The following PREX1 variants were observed in gnomAD, a reference collection of about 807,000 sequenced individuals.
PREX1 encodes the protein phosphatidylinositol 3,4,5-trisphosphate-dependent Rac exchanger 1 protein.
PREX1 carries 41 observed loss-of-function variants against 198.3 expected under a neutral mutation model. The observed-to-expected ratio is 0.21, with a 90% CI of 0.16 to 0.27. The LOEUF (loss-of-function observed/expected upper bound fraction) is 0.27, where lower values mean the gene tolerates loss of function less well. Among genes scored for constraint, PREX1 ranks in the 10% least tolerant of loss-of-function variants. The pLI, the probability that PREX1 is intolerant of heterozygous loss-of-function variation, is 1.00. For synonymous variants in PREX1, 843 were observed against 887.2 expected, an observed-to-expected ratio of 0.95 and a Z score of 0.89; for missense variants, 1,620 against 2,200.7, an observed-to-expected ratio of 0.74 and a Z score of 5.28.
At chr20:48,812,798 C>A (rs766027135) in intron 1 of PREX1, among the ~76,000 whole-genome samples, 29 of 152,188 alleles carry the variant, frequency 1.9e-4, no homozygotes, top group Non-Finnish European at 3.2e-4. Context: ...ATCCAGCCCC[C>A]ACATTTCATT....
intron 14 of PREX1, among the ~76,000 whole-genome samples, chr20:48,671,666 G>A (rs1012557329): frequency 6.6e-6 from 1 of 152,128 alleles, no homozygotes; most frequent in African/African-American, 2.4e-5. Context: ...TGCAAGGTGG[G>A]GGTGACTCCT....
At chr20:48,810,646 G>A (rs924286361) in intron 1 of PREX1, among the ~76,000 whole-genome samples, 5 of 150,610 alleles carry the variant, frequency 3.3e-5, no homozygotes, top group Admixed American at 1.3e-4. Context: ...CAGCACTTTG[G>A]GAGGCTGAAG....
the PREX1 span, among the ~76,000 whole-genome samples, chr20:48,873,286 G>A: frequency 6.6e-6 from 1 of 152,196 alleles, no homozygotes; most frequent in African/African-American, 2.4e-5. Context: ...CAAGTCACAT[G>A]GCCAAGACTA....
chr20:48,670,828 C>A (rs187449401), intron 14 of PREX1, among the ~76,000 whole-genome samples: 1 of 152,348 alleles, frequency 6.6e-6, no homozygotes, highest in African/African-American at 2.4e-5. Flanking sequence ...ACCCCTGCCA[C>A]ACACAAACAC....
intron 26 of PREX1, among the ~76,000 whole-genome samples, chr20:48,645,394 A>G (rs2089443570): frequency 6.6e-6 from 1 of 152,202 alleles, no homozygotes; most frequent in African/African-American, 2.4e-5. Context: ...ACTAGTTAGG[A>G]CCTCACTGAT....
chr20:48,723,637 C>T (rs2089996435), intron 5 of PREX1, among the ~76,000 whole-genome samples: 1 of 152,184 alleles, frequency 6.6e-6, no homozygotes, highest in Admixed American at 6.5e-5. Flanking sequence ...AGTAAACAGC[C>T]GTCTGGCCAG....
upstream of PREX1, among the ~76,000 whole-genome samples, chr20:48,832,543 C>T (rs1600542237): frequency 6.6e-6 from 1 of 152,190 alleles, no homozygotes; most frequent in East Asian, 1.9e-4. Flanking sequence ...CAGCCCAGAG[C>T]AGGGCTGTTC....
the PREX1 span, among the ~76,000 whole-genome samples, chr20:48,858,178 A>G: frequency 3.3e-5 from 5 of 152,314 alleles, no homozygotes; most frequent in East Asian, 9.6e-4. Context: ...CATTCTTCAG[A>G]GCCAAGGCTC....
At position 48,660,104 on chromosome 20, in the gene PREX1, G is replaced by A. The variant is rs779298079; in HGVS notation, c.1739-43C>T. 1.9e-5 allele frequency: 31 copies of A among 1,605,484 alleles called. No homozygotes were observed. The East Asian group carries it at 6.5e-4, about 34-fold the overall frequency. ...TGCACTCAGTGGTCAGATTCACAGGGAAAGTTTCAGCCATGTTTGCCAACT... is the reference window on the plus strand; with the variant it reads ...TGCACTCAGTGGTCAGATTCACAGGAAAAGTTTCAGCCATGTTTGCCAACT... On this transcript the variant is annotated intron_variant, in intron 15 of 39. Coordinates refer to ENST00000371941, the MANE Select transcript of PREX1 (RefSeq NM_020820.4).
the PREX1 span, among the ~76,000 whole-genome samples, chr20:48,842,144 T>C: frequency 6.6e-6 from 1 of 152,124 alleles, no homozygotes; most frequent in African/African-American, 2.4e-5. Context: ...CAGGACTTCT[T>C]TCCCCCATGC....
rs112972823 is a variant in PREX1 at position 48,666,387 on chromosome 20, G to C, written c.1666-32C>G. ...TGGAACAAGAAGGGGAGGGTGTTAG[G>C]TGGCAGCATCCGAGAGGCCATGCAT... On this transcript the variant is annotated intron_variant, in intron 14 of 39. Transcript: ENST00000371941. This position sits in a 1 kb window ranked among gnomAD's most constrained non-coding sequence, Gnocchi z 4.3. The C allele has an allele frequency of 2.4e-5, 37 of 1,529,454 alleles. No individual in the cohort carries two copies. In the African/African-American group the frequency reaches 3.6e-4, roughly 15 times the overall value. 94.7% of individuals were successfully genotyped at this position (1,529,454 alleles called of 1,614,324 possible).
At chr20:48,676,442 G>C (rs114870438) in intron 13 of PREX1, among the ~76,000 whole-genome samples, 174 bp from the exon 14 acceptor site, 2 of 152,306 alleles carry the variant, frequency 1.3e-5, no homozygotes, top group Admixed American at 1.3e-4. Flanking sequence ...CAGTGTGACC[G>C]AGGGCAGGGC....
chr20:48,803,819 A>G (rs1030234335), intron 1 of PREX1, among the ~76,000 whole-genome samples: 1 of 152,114 alleles, frequency 6.6e-6, no homozygotes, highest in African/African-American at 2.4e-5. Flanking sequence ...TGGGTCCATG[A>G]CCTCAAGGTC....
At chr20:48,803,428 C>T (rs1236909147) in intron 1 of PREX1, among the ~76,000 whole-genome samples, 1 of 152,082 alleles carries the variant, frequency 6.6e-6, no homozygotes, top group Non-Finnish European at 1.5e-5. Context: ...CATCTGGAGC[C>T]CCTTTGTGAT....
intron 5 of PREX1, among the ~76,000 whole-genome samples, chr20:48,713,839 A>C (rs2089947882): frequency 6.7e-6 from 1 of 148,788 alleles, no homozygotes; most frequent in Non-Finnish European, 1.5e-5. Context: ...CACATTCTGC[A>C]CATGTATCCC....
intron 23 of PREX1, 44 bp downstream of exon 23, chr20:48,650,850 G>C: frequency 6.2e-7 from 1 of 1,605,834 alleles, no homozygotes. Flanking sequence ...GAGATGCTAT[G>C]TCTGGGACCT....
chr20:48,659,233 A>AAAGGAGGGAAGGAAGG (rs2089570174), intron 16 of PREX1, among the ~76,000 whole-genome samples: 1 of 98,844 alleles, frequency 1.0e-5, no homozygotes, highest in Non-Finnish European at 2.2e-5. Flanking sequence ...GAGAGAAAGA[A>AAAGGAGGGAAGGAAGG]AAGGAAGGAA....
At chr20:48,857,885 AT>A in the PREX1 span, among the ~76,000 whole-genome samples, 1 of 152,256 alleles carries the variant, frequency 6.6e-6, no homozygotes, top group Admixed American at 6.5e-5. Context: ...ACAAGCAGCC[AT>A]GCCCAGAGCC....
intron 29 of PREX1, among the ~76,000 whole-genome samples, chr20:48,640,722 T>G (rs2089402569): frequency 6.6e-6 from 1 of 151,948 alleles, no homozygotes; most frequent in African/African-American, 2.4e-5. Flanking sequence ...TCTGGGAAAT[T>G]ATTTACTGGA....
Sources: gnomAD v4.1 joint callset for allele counts (sites outside exome capture counted in the v4.1 genomes callset) on GRCh38, gnomAD v4.1.1 for gene constraint, Gnocchi (gnomAD v3.1) non-coding constraint, MANE v1.5 for transcripts, NCBI Gene and HGNC (gene_info 2026-07-23, HGNC 2026-07-21) for gene names.